Variants in AKT3 observed in about 807,000 individuals in gnomAD.
The protein encoded by AKT3 is AKT serine/threonine kinase 3, also known as RAC-gamma serine/threonine-protein kinase.
In AKT3, 15 loss-of-function variants were observed where a neutral mutation model predicts 65.3. The observed-to-expected ratio is 0.23, with a 90% CI of 0.15 to 0.35. The LOEUF is 0.35. AKT3 is among the 10% of genes least tolerant of loss of function. The probability of loss-of-function intolerance (pLI) is 1.00; values close to 1 mark genes in which losing one functional copy is unlikely to be tolerated. For missense variants in AKT3, 243 were observed against 576.5 expected (o/e 0.42, Z 5.92); for synonymous variants, 206 against 183.8 (o/e 1.12, Z -0.98).
chr1:243,710,509 G>A (rs1332865381), intron 2 of AKT3, among the ~76,000 whole-genome samples: 2 of 152,180 alleles, frequency 1.3e-5, no homozygotes, highest in East Asian at 3.9e-4. Flanking sequence ...GAAGTTCTTA[G>A]TCACTATACC....
intron 6 of AKT3, among the ~76,000 whole-genome samples, chr1:243,634,118 T>G (rs1008616429): frequency 6.6e-6 from 1 of 152,080 alleles, no homozygotes; most frequent in African/African-American, 2.4e-5. Flanking sequence ...TCAAATAGCA[T>G]AGTATTTGCA....
At chr1:243,498,392 A>C (rs1161073863), downstream of AKT3, among the ~76,000 whole-genome samples, 1 of 152,250 alleles carries the variant, frequency 6.6e-6, no homozygotes, top group East Asian at 1.9e-4. Context: ...TGGGCCCAGG[A>C]AATTGTCCAC....
intron 9 of AKT3, among the ~76,000 whole-genome samples, chr1:243,564,318 C>T (rs1395465553): frequency 6.6e-6 from 1 of 152,046 alleles, no homozygotes; most frequent in Non-Finnish European, 1.5e-5. Context: ...GTAAATCAAA[C>T]CTAAATCTTA....
At chr1:243,737,338 G>A (rs4553169) in intron 2 of AKT3, among the ~76,000 whole-genome samples, 45,746 of 151,974 alleles carry the variant, frequency 0.3, 9,068 homozygotes, top group African/African-American at 0.56. Flanking sequence ...AGTGCTTGGC[G>A]TGTAGTAACA....
At chr1:243,833,254 AAAAC>A (rs951335179) in intron 2 of AKT3, among the ~76,000 whole-genome samples, 6 of 152,166 alleles carry the variant, frequency 3.9e-5, no homozygotes, top group Non-Finnish European at 5.9e-5. Context: ...TCCATATCAA[AAAAC>A]AAACAAACAA....
downstream of AKT3, among the ~76,000 whole-genome samples, chr1:243,496,554 G>A (rs993881342): frequency 6.6e-6 from 1 of 152,234 alleles, no homozygotes; most frequent in African/African-American, 2.4e-5. Context: ...AGCAGGGGGG[G>A]AAGGGGTTGT....
chr1:243,569,546 T>C (rs903120219), intron 9 of AKT3, among the ~76,000 whole-genome samples: 4 of 152,126 alleles, frequency 2.6e-5, no homozygotes, highest in Admixed American at 2.0e-4. Context: ...AGGGAGCTGA[T>C]GAGGACGAGG....
chr1:243,647,333 G>C (rs1214561563), intron 4 of AKT3, among the ~76,000 whole-genome samples: 2 of 152,022 alleles, frequency 1.3e-5, no homozygotes, highest in Non-Finnish European at 2.9e-5. Flanking sequence ...CATTACAATT[G>C]TCTATAGTAT....
At chr1:243,845,863 C>A (rs1332648457) in intron 1 of AKT3, among the ~76,000 whole-genome samples, 1 of 151,950 alleles carries the variant, frequency 6.6e-6, no homozygotes, top group Non-Finnish European at 1.5e-5. Context: ...AGGAAGAGCA[C>A]CAGAAAGACC....
chr1:243,577,933 A>G (rs1193750648), intron 8 of AKT3, among the ~76,000 whole-genome samples: 1 of 152,252 alleles, frequency 6.6e-6, no homozygotes, highest in African/African-American at 2.4e-5. Flanking sequence ...CACATGAAAA[A>G]AAGCTCAACA....
intron 2 of AKT3, among the ~76,000 whole-genome samples, chr1:243,707,010 T>C (rs1685844753): frequency 6.6e-6 from 1 of 152,204 alleles, no homozygotes; most frequent in Non-Finnish European, 1.5e-5. Flanking sequence ...TCTCTCTGGG[T>C]CTCAGCTTCC....
At chr1:243,509,793 G>C (rs1053271365) in intron 13 of AKT3, among the ~76,000 whole-genome samples, 9 of 152,104 alleles carry the variant, frequency 5.9e-5, no homozygotes, top group African/African-American at 2.2e-4. Flanking sequence ...CTCCTAAAGA[G>C]ACGGCTTCTC....
chr1:243,604,687 A>AT (rs1380685049), intron 8 of AKT3, among the ~76,000 whole-genome samples: 2 of 152,144 alleles, frequency 1.3e-5, no homozygotes. Context: ...CATTCTCTCC[A>AT]TGCACAGTAA....
At chr1:243,524,713 T>C (rs1670934729) in intron 12 of AKT3, among the ~76,000 whole-genome samples, 1 of 152,184 alleles carries the variant, frequency 6.6e-6, no homozygotes, top group Admixed American at 6.5e-5. Flanking sequence ...CATGCAATAA[T>C]GCATAATTAA....
intron 9 of AKT3, among the ~76,000 whole-genome samples, chr1:243,571,176 G>C (rs1183049255): frequency 6.6e-6 from 1 of 152,190 alleles, no homozygotes; most frequent in Non-Finnish European, 1.5e-5. Flanking sequence ...AATTAGCTGG[G>C]CGTGGTGGCA....
At chr1:243,530,066 G>A (rs1671425231) in intron 12 of AKT3, among the ~76,000 whole-genome samples, 1 of 152,104 alleles carries the variant, frequency 6.6e-6, no homozygotes, top group South Asian at 2.1e-4. Flanking sequence ...TGGCTATTGT[G>A]AATAGGATTG....
At chr1:243,814,852 C>T (rs1190386004) in intron 2 of AKT3, 2 of 152,220 alleles carry the variant, frequency 1.3e-5, no homozygotes, top group Non-Finnish European at 2.9e-5. Flanking sequence ...CTACGATCAG[C>T]ACTCCTGTTC....
At chr1:243,841,356 C>T (rs967734858) in intron 2 of AKT3, among the ~76,000 whole-genome samples, 4 of 152,076 alleles carry the variant, frequency 2.6e-5, no homozygotes, top group African/African-American at 9.7e-5. Flanking sequence ...TCATTTAACC[C>T]TCAAAACCAT....
chr1:243,807,573 G>A (rs1035593883), intron 2 of AKT3, among the ~76,000 whole-genome samples: 2 of 152,230 alleles, frequency 1.3e-5, no homozygotes, highest in African/African-American at 4.8e-5. Flanking sequence ...AACTAAAGGA[G>A]ACCTGCCTGC....
Sources: allele counts gnomAD v4.1 joint callset (sites outside exome capture counted in the v4.1 genomes callset), GRCh38; gene constraint gnomAD v4.1.1; transcripts MANE v1.5; gene names NCBI Gene and HGNC (gene_info 2026-07-23, HGNC 2026-07-21).